The following SHISA9 variants were observed in gnomAD, a reference collection of about 807,000 sequenced individuals.
The protein encoded by SHISA9 is protein shisa-9.
In SHISA9, 13 loss-of-function variants were observed where a neutral mutation model predicts 38.0. The observed-to-expected ratio is 0.34, with a 90% CI of 0.22 to 0.54. The LOEUF (loss-of-function observed/expected upper bound fraction) is 0.54. Ranked by LOEUF, SHISA9 falls within the 20% of genes least tolerant of loss-of-function variation. The pLI is 0.91. For missense variants in SHISA9, 538 were observed against 575.8 expected (o/e 0.93, Z 0.67); for synonymous variants, 275 against 242.0 (o/e 1.14, Z -1.27).
rs1328611801 is a variant in SHISA9 at position 12,901,931 on chromosome 16, C to T, written c.-134C>T. On this transcript the variant is annotated 5_prime_UTR_variant, in exon 1 of 5. Transcript: ENST00000558583. Reference sequence around the variant, plus strand: ...GCCGCCGACCACCGAGCGCCCCGCGCCGCTCCCTGCATGTGCGGCCCGCGG... The same window carrying T: ...GCCGCCGACCACCGAGCGCCCCGCGTCGCTCCCTGCATGTGCGGCCCGCGG... The T allele has an allele frequency of 1.7e-6, 1 of 584,102 alleles. No homozygotes were observed. The highest frequency in any genetic ancestry group is 7.5e-5 in the South Asian group (1 of 13,262). 36.2% of individuals were successfully genotyped at this position (584,102 alleles called of 1,614,324 possible).
intron 2 of SHISA9, among the ~76,000 whole-genome samples, chr16:13,040,077 C>G (rs2073116742): frequency 6.6e-6 from 1 of 152,196 alleles, no homozygotes; most frequent in South Asian, 2.1e-4. Flanking sequence ...CCAGATTTCC[C>G]TGATTTCTCT....
chr16:13,237,178 G>C lies in SHISA9; in HGVS notation c.*1769G>C, dbSNP rs1487165508. The C allele has an allele frequency of 6.6e-6, 1 of 152,118 alleles. No individual in the cohort carries two copies. The highest frequency in any genetic ancestry group is 1.5e-5 in the Non-Finnish European group (1 of 68,046). 9.4% of individuals were successfully genotyped at this position (152,118 alleles called of 1,614,324 possible). On this transcript the variant is annotated 3_prime_UTR_variant, in exon 5 of 5. Transcript: ENST00000558583. The stretch of plus-strand genomic sequence containing the variant: ...CTGAAATCCTGAGCTGCAAGGTTCT[G>C]CCTCACCTGTCTCTCCACTCTGACA...
At chr16:13,469,978 C>T in the SHISA9 span, among the ~76,000 whole-genome samples, 1 of 152,176 alleles carries the variant, frequency 6.6e-6, no homozygotes, top group African/African-American at 2.4e-5. Flanking sequence ...TATTGAACAT[C>T]TCCTTCTTGG....
chr16:13,453,537 A>G, the SHISA9 span, among the ~76,000 whole-genome samples: 1 of 152,190 alleles, frequency 6.6e-6, no homozygotes, highest in African/African-American at 2.4e-5. Context: ...CTGGAGGATG[A>G]CAGACACATG....
At chr16:13,117,106 G>A (rs919752552) in intron 2 of SHISA9, among the ~76,000 whole-genome samples, 39 of 152,136 alleles carry the variant, frequency 2.6e-4, no homozygotes, top group African/African-American at 8.9e-4. Flanking sequence ...CCGAGTAGCT[G>A]GGATTACAGG....
At chr16:13,421,548 C>G in the SHISA9 span, among the ~76,000 whole-genome samples, 1 of 152,146 alleles carries the variant, frequency 6.6e-6, no homozygotes, top group African/African-American at 2.4e-5. Flanking sequence ...ATCCTTCCCA[C>G]AACATGTGGG....
intron 2 of SHISA9, among the ~76,000 whole-genome samples, chr16:13,052,743 C>A (rs974900782): frequency 2.6e-5 from 4 of 151,950 alleles, no homozygotes; most frequent in African/African-American, 9.7e-5. Flanking sequence ...AAACCTCAAA[C>A]ATACTAAGGG....
chr16:13,094,473 C>T (rs943873762), intron 2 of SHISA9, among the ~76,000 whole-genome samples: 6 of 151,664 alleles, frequency 4.0e-5, no homozygotes, highest in African/African-American at 1.2e-4. Context: ...AAAAAAAAAT[C>T]CCCCAAACTA....
At chr16:13,550,906 A>G in the SHISA9 span, among the ~76,000 whole-genome samples, 2,224 of 152,150 alleles carry the variant, frequency 0.015, 42 homozygotes, top group African/African-American at 0.049. Context: ...GGCGGATCAA[A>G]AGGTCAGGCG....
the SHISA9 span, chr16:13,458,613 G>A: frequency 2.6e-6 from 1 of 387,280 alleles, no homozygotes; most frequent in South Asian, 2.1e-5. Flanking sequence ...TAAGAGATTT[G>A]GATCAAAGAT....
the SHISA9 span, among the ~76,000 whole-genome samples, chr16:13,495,340 G>A: frequency 6.6e-6 from 1 of 152,074 alleles, no homozygotes; most frequent in Non-Finnish European, 1.5e-5. Context: ...ACCTGAGGAA[G>A]CTAGGTGAAA....
chr16:13,318,182 A>G, the SHISA9 span, among the ~76,000 whole-genome samples: 1 of 152,216 alleles, frequency 6.6e-6, no homozygotes, highest in Non-Finnish European at 1.5e-5. Context: ...TCCCAACCTC[A>G]TACTATTGAC....
intron 2 of SHISA9, among the ~76,000 whole-genome samples, chr16:12,981,154 C>A (rs569440266): frequency 2.6e-5 from 4 of 152,292 alleles, no homozygotes; most frequent in Admixed American, 1.3e-4. Flanking sequence ...AATGTGGATG[C>A]GCAAAGGCCA....
chr16:13,516,537 C>T, the SHISA9 span, among the ~76,000 whole-genome samples: 5 of 152,198 alleles, frequency 3.3e-5, no homozygotes, highest in Admixed American at 6.5e-5. Flanking sequence ...CAGTGGCTCA[C>T]GCCTGTAATC....
the SHISA9 span, among the ~76,000 whole-genome samples, chr16:13,414,683 T>G: frequency 6.9e-6 from 1 of 144,508 alleles, no homozygotes; most frequent in Non-Finnish European, 1.5e-5. Context: ...GTTGCCCTCT[T>G]GCCCAGGCTG....
At chr16:13,284,331 A>G in the SHISA9 span, among the ~76,000 whole-genome samples, 1 of 152,194 alleles carries the variant, frequency 6.6e-6, no homozygotes, top group Admixed American at 6.5e-5. Flanking sequence ...ATAGTTATTC[A>G]CAGTGGGAAG....
chr16:13,057,001 A>C lies in SHISA9; in HGVS notation c.691+140186A>C, dbSNP rs114259396. 6.2e-3 allele frequency among the ~76,000 whole-genome samples: 949 copies of C among 152,218 alleles called. 9 individuals are homozygous for C. The highest frequency in any genetic ancestry group is 0.022 in the African/African-American group (907 of 41,516). On this transcript the variant is annotated intron_variant, in intron 2 of 4. Transcript: ENST00000558583. ...TGGTATGTTAGCTGTGAGGCTAGCA[A>C]AGGGGAGTATGGGGCGCCCCCGATC...
the SHISA9 span, among the ~76,000 whole-genome samples, chr16:13,318,562 G>T: frequency 6.6e-6 from 1 of 152,106 alleles, no homozygotes; most frequent in East Asian, 1.9e-4. Flanking sequence ...TTGACCTCAG[G>T]TGATCTGCCC....
chr16:13,053,556 G>A (rs1465339676), intron 2 of SHISA9, among the ~76,000 whole-genome samples: 2 of 152,058 alleles, frequency 1.3e-5, no homozygotes, highest in African/African-American at 4.8e-5. Context: ...CATCCACATG[G>A]ATTAAAATCT....
Sources: allele counts gnomAD v4.1 joint callset (sites outside exome capture counted in the v4.1 genomes callset), GRCh38; gene constraint gnomAD v4.1.1; transcripts MANE v1.5; gene names NCBI Gene and HGNC (gene_info 2026-07-23, HGNC 2026-07-21).